Variants in GBF1 observed in about 807,000 individuals in gnomAD.
GBF1 encodes golgi brefeldin A resistant guanine nucleotide exchange factor 1.
In GBF1, 114 loss-of-function variants were observed where a neutral mutation model predicts 210.5. The observed-to-expected ratio is 0.54, with a 90% confidence interval of 0.47 to 0.63. The LOEUF (loss-of-function observed/expected upper bound fraction) is 0.63, where lower values mean the gene tolerates loss of function less well. GBF1 is among the 30% of genes least tolerant of loss of function. GBF1 has a pLI of 0.00. For missense variants in GBF1, 1,851 were observed against 2,357.7 expected (o/e 0.79, Z 4.45); for synonymous variants, 850 against 889.2 (o/e 0.96, Z 0.78).
chr10:102,359,473 C>A (rs371133455), intron 11 of GBF1, 38 bp downstream of exon 11: 19 of 1,493,696 alleles, frequency 1.3e-5, no homozygotes, highest in East Asian at 4.5e-5. Context: ...TCACCTCCCC[C>A]ATCCTACCTA....
the GBF1 span, among the ~76,000 whole-genome samples, chr10:102,237,577 C>A: frequency 6.6e-6 from 1 of 151,992 alleles, no homozygotes; most frequent in Non-Finnish European, 1.5e-5. Flanking sequence ...TGAGCAACAG[C>A]CCTGAATAAA....
chr10:102,353,973 C>T (rs2059150415), intron 8 of GBF1, among the ~76,000 whole-genome samples: 1 of 152,190 alleles, frequency 6.6e-6, no homozygotes, highest in Non-Finnish European at 1.5e-5. Context: ...CCCCTCAAGA[C>T]TTAGCCTTAT....
At chr10:102,379,218 G>C (rs1018700569) in intron 33 of GBF1, 66 bp from the exon 34 acceptor site, 14 of 1,486,896 alleles carry the variant, frequency 9.4e-6, no homozygotes, top group Middle Eastern at 2.4e-4. Context: ...GACAGTGAGT[G>C]GGGAGGGGGA....
At chr10:102,296,615 G>C (rs957187049) in intron 3 of GBF1, among the ~76,000 whole-genome samples, 1 of 152,100 alleles carries the variant, frequency 6.6e-6, no homozygotes, top group African/African-American at 2.4e-5. Flanking sequence ...AGTGGCGGAT[G>C]CCTGTAATCC....
the GBF1 span, among the ~76,000 whole-genome samples, chr10:102,237,337 G>A: frequency 2.6e-5 from 4 of 152,216 alleles, no homozygotes; most frequent in Non-Finnish European, 5.9e-5. Context: ...AAGAGAAGGG[G>A]TATGGCATTC....
In GBF1 at chr10:102,365,425, A is replaced by G. The variant is rs1046438831; in HGVS notation, c.2135A>G (p.Asn712Ser). 3 of 1,614,008 alleles carry G rather than the reference A, an allele frequency of 1.9e-6. No homozygotes were observed. The highest frequency in any genetic ancestry group is 2.7e-5 in the African/African-American group (2 of 74,926). The stretch of plus-strand genomic sequence containing the variant: ...CTAATCACTGGCACAGAGCAGTTCA[A>G]TCAGAAACCAAAGAAGGGGATTCAG... ...KLLITGTEQF[N>S]QKPKKGIQFL... Residue 712 changes from asparagine to serine, a missense_variant, in exon 18 of 40, where the codon AAT (asparagine) becomes AGT (serine). By Grantham distance (46) the Asn-to-Ser change is conservative. Around this residue, in one of 3 missense-constraint regions of GBF1, gnomAD observed 804 missense variants for 958.6 expected, o/e 0.84. Coordinates refer to ENST00000369983, the MANE Select transcript of GBF1 (RefSeq NM_001377137.1).
chr10:102,362,050 C>CT (rs1164670758), intron 14 of GBF1, 138 bp downstream of exon 14: 10,133 of 124,312 alleles, frequency 0.082, 533 homozygotes, highest in Non-Finnish European at 0.094. Context: ...CTTTTCTTTT[C>CT]TTTTTTTTTT....
chr10:102,330,821 G>T (rs1398923398), intron 3 of GBF1, among the ~76,000 whole-genome samples: 3 of 152,178 alleles, frequency 2.0e-5, no homozygotes, highest in Admixed American at 2.0e-4. Flanking sequence ...AGTTAATCTG[G>T]CTATTTAGCA....
At chr10:102,342,389 G>GCACACACACA (rs144630206) in intron 3 of GBF1, among the ~76,000 whole-genome samples, 1 of 144,010 alleles carries the variant, frequency 6.9e-6, no homozygotes, top group Admixed American at 6.9e-5. Flanking sequence ...TCACACACAC[G>GCACACACACA]CACACACACA....
At chr10:102,330,373 G>T (rs2057243157) in intron 3 of GBF1, among the ~76,000 whole-genome samples, 1 of 151,762 alleles carries the variant, frequency 6.6e-6, no homozygotes. Context: ...ATTATATATG[G>T]TAATTATGTT....
At chr10:102,270,431 A>AG (rs2074293118) in intron 3 of GBF1, among the ~76,000 whole-genome samples, 1 of 152,232 alleles carries the variant, frequency 6.6e-6, no homozygotes, top group South Asian at 2.1e-4. Flanking sequence ...TACAAGTGTG[A>AG]GCCACTGTGC....
At chr10:102,334,107 AAAG>A (rs1354318514) in intron 3 of GBF1, among the ~76,000 whole-genome samples, 2 of 152,194 alleles carry the variant, frequency 1.3e-5, no homozygotes, top group African/African-American at 2.4e-5. Flanking sequence ...TTTGCAGGGT[AAAG>A]AACATGCATG....
chr10:102,334,739 C>T (rs2057600353), intron 3 of GBF1, among the ~76,000 whole-genome samples: 1 of 151,956 alleles, frequency 6.6e-6, no homozygotes, highest in Admixed American at 6.6e-5. Context: ...GTCCCAGCTA[C>T]TCGGGAGGCT....
chr10:102,362,802 TCAC>T, intron 15 of GBF1, 138 bp downstream of exon 15: 1 of 651,924 alleles, frequency 1.5e-6, no homozygotes, highest in Admixed American at 2.9e-5. Flanking sequence ...GCAGTTTAAA[TCAC>T]AGGCCAGTCA....
At chr10:102,254,726 A>G (rs1487573631) in intron 1 of GBF1, among the ~76,000 whole-genome samples, 8 of 151,788 alleles carry the variant, frequency 5.3e-5, no homozygotes. Flanking sequence ...TCCCTCTCTT[A>G]TTTATTTTTT....
In GBF1 at chr10:102,351,947, C is replaced by G; in HGVS notation, c.519C>G (p.Leu173=). 6.5e-7 allele frequency: 1 copy of G among 1,543,476 alleles called. No individual in the cohort carries two copies. The highest frequency in any genetic ancestry group is 1.1e-5 in the South Asian group (1 of 89,596). The change falls in exon 6 of 40, where the codon CTC becomes CTG. Residue 173 remains leucine, a synonymous_variant. Coordinates refer to ENST00000369983, the MANE Select transcript of GBF1 (RefSeq NM_001377137.1). ...TCCGGATCTGCTTTGAAATGAGGCT[C>G]AGTGGTAGGTGCTTGGATATTAGCC... ...SCFRICFEMR[L]SELLRKSAEH...
At chr10:102,267,459 G>A (rs970431428) in intron 3 of GBF1, among the ~76,000 whole-genome samples, 16 of 152,110 alleles carry the variant, frequency 1.1e-4, no homozygotes, top group African/African-American at 3.9e-4. Context: ...AGCTGAGATC[G>A]TGCCACTGCA....
intron 11 of GBF1, 77 bp from the exon 12 acceptor site, chr10:102,360,107 T>A: frequency 1.1e-6 from 1 of 893,380 alleles, no homozygotes; most frequent in Non-Finnish European, 1.9e-6. Flanking sequence ...TTGCCTTGTG[T>A]AATGCAGAGC....
intron 4 of GBF1, among the ~76,000 whole-genome samples, chr10:102,345,427 CG>C (rs1246590013): frequency 6.7e-6 from 1 of 148,796 alleles, no homozygotes; most frequent in Non-Finnish European, 1.5e-5. Context: ...CCGAGGCGGA[CG>C]GATCATGAGG....
Sources: gnomAD v4.1 joint callset for allele counts (sites outside exome capture counted in the v4.1 genomes callset) on GRCh38, gnomAD v4.1.1 for gene constraint, gnomAD v4.1.1 regional missense constraint, MANE v1.5 for transcripts, NCBI Gene and HGNC (gene_info 2026-07-23, HGNC 2026-07-21) for gene names.